FMNL2: variants seen among roughly 807,000 people sequenced by gnomAD.
FMNL2 encodes formin-like protein 2.
FMNL2 carries 51 observed loss-of-function variants against 130.2 expected under a neutral mutation model. That is an observed-to-expected ratio of 0.39 (90% CI 0.31 to 0.49). FMNL2 has a LOEUF of 0.49. Among genes scored for constraint, FMNL2 ranks in the 20% least tolerant of loss-of-function variants. The pLI, the probability that FMNL2 is intolerant of heterozygous loss-of-function variation, is 0.85. For missense variants in FMNL2, 977 were observed against 1,316.2 expected (o/e 0.74, Z 3.99); for synonymous variants, 465 against 467.1 (o/e 1.00, Z 0.06).
chr2:152,547,853 T>C (rs1175380950), intron 3 of FMNL2, among the ~76,000 whole-genome samples: 1 of 152,204 alleles, frequency 6.6e-6, no homozygotes, highest in Non-Finnish European at 1.5e-5. Context: ...GTAGCACAGA[T>C]AGTCTGGAAC....
intron 1 of FMNL2, among the ~76,000 whole-genome samples, chr2:152,412,482 ATATATATATATATATATAT>A (rs1686368595): frequency 1.0e-4 from 9 of 90,032 alleles, no homozygotes; most frequent in African/African-American, 4.5e-4. Context: ...ATATATATAT[ATATATATATATATATATAT>A]AAATTAGAAA....
At chr2:152,391,281 C>G (rs531476631) in intron 1 of FMNL2, among the ~76,000 whole-genome samples, 8 of 152,206 alleles carry the variant, frequency 5.3e-5, no homozygotes, top group Non-Finnish European at 8.8e-5. Context: ...AATAAACACC[C>G]TGGCAACTGG....
intron 1 of FMNL2, among the ~76,000 whole-genome samples, chr2:152,428,672 T>C (rs1017332780): frequency 2.0e-5 from 3 of 152,230 alleles, no homozygotes; most frequent in African/African-American, 4.8e-5. Context: ...TCTAGGGAGG[T>C]TGAGAAGTTT....
intron 1 of FMNL2, among the ~76,000 whole-genome samples, chr2:152,501,365 A>T (rs1691823743): frequency 6.6e-6 from 1 of 152,250 alleles, no homozygotes; most frequent in Non-Finnish European, 1.5e-5. Flanking sequence ...CCTTCCCAAA[A>T]GGGAACTCAG....
Position 152,395,276 on chromosome 2 carries a change from A to G in FMNL2, c.117+59556A>G, listed in dbSNP as rs372463233. On this transcript the variant is annotated intron_variant, in intron 1 of 25. Coordinates refer to ENST00000288670, the MANE Select transcript of FMNL2 (RefSeq NM_052905.4). ...TGTGGGACATGAGGTGGCAAACCCT[A>G]CACAAGAGTTAAAGAGATGAGTAGT... Among the ~76,000 whole-genome samples, 20 of 152,334 alleles carry G rather than the reference A, an allele frequency of 1.3e-4. 1 individual carries two copies. The South Asian group carries it at 2.3e-3, about 17-fold the overall frequency.
Position 152,494,791 on chromosome 2 carries a change from G to A in FMNL2, c.118-27152G>A, listed in dbSNP as rs558270689. On this transcript the variant is annotated intron_variant, in intron 1 of 25. Transcript: ENST00000288670. ...TGACTATTGTCAGAGAAAGCCCTGG[G>A]TTATCAGCCTGTTTAGAAGAAGTGA... 1.3e-4 allele frequency among the ~76,000 whole-genome samples: 20 copies of A among 152,288 alleles called. No homozygotes were observed. The South Asian group carries it at 3.9e-3, about 30-fold the overall frequency.
intron 25 of FMNL2, among the ~76,000 whole-genome samples, chr2:152,646,263 T>C (rs1490312468): frequency 1.3e-5 from 2 of 151,076 alleles, no homozygotes; most frequent in Non-Finnish European, 2.9e-5. Flanking sequence ...GCCCAGGAGG[T>C]GGATGCTGCA....
intron 1 of FMNL2, among the ~76,000 whole-genome samples, chr2:152,506,075 A>C (rs1190417858): frequency 6.6e-6 from 1 of 152,208 alleles, no homozygotes; most frequent in Non-Finnish European, 1.5e-5. Flanking sequence ...TTTATTTGCC[A>C]AGGTAACTAG....
chr2:152,555,868 A>G (rs1261593212), intron 4 of FMNL2, among the ~76,000 whole-genome samples: 1 of 152,260 alleles, frequency 6.6e-6, no homozygotes, highest in East Asian at 1.9e-4. Context: ...GCATGCACAG[A>G]GGTGAAATGG....
chr2:152,591,119 C>T (rs1250606838), intron 9 of FMNL2, among the ~76,000 whole-genome samples: 2 of 149,688 alleles, frequency 1.3e-5, no homozygotes, highest in Non-Finnish European at 3.0e-5. Flanking sequence ...AAGCGATTCT[C>T]CTGCCTCAGC....
intron 13 of FMNL2, 36 bp downstream of exon 13, chr2:152,617,228 G>C: frequency 1.3e-6 from 2 of 1,575,708 alleles, no homozygotes; most frequent in South Asian, 2.2e-5. Context: ...AGATGGGCAC[G>C]GTAGGGAATG....
At chr2:152,394,926 G>A (rs890743555) in intron 1 of FMNL2, among the ~76,000 whole-genome samples, 2 of 152,124 alleles carry the variant, frequency 1.3e-5, no homozygotes, top group African/African-American at 4.8e-5. Context: ...TGCAGGCATG[G>A]CTTTCTTGCT....
intron 1 of FMNL2, among the ~76,000 whole-genome samples, chr2:152,463,356 A>T (rs936287545): frequency 6.6e-6 from 1 of 152,294 alleles, no homozygotes; most frequent in Admixed American, 6.5e-5. Flanking sequence ...TCTCTTGGTG[A>T]TGAAGAAATC....
At chr2:152,390,680 A>C in intron 1 of FMNL2, 1 of 777,494 alleles carries the variant, frequency 1.3e-6, no homozygotes, top group East Asian at 2.5e-5. Flanking sequence ...AGCTACAACC[A>C]TCCAACCTTC....
intron 4 of FMNL2, among the ~76,000 whole-genome samples, chr2:152,551,187 T>G (rs936198121): frequency 6.7e-6 from 1 of 148,514 alleles, no homozygotes; most frequent in Non-Finnish European, 1.5e-5. Flanking sequence ...GCCGAAGTAA[T>G]GTGAAATTGA....
At chr2:152,505,648 A>G (rs1044059361) in intron 1 of FMNL2, among the ~76,000 whole-genome samples, 1 of 152,194 alleles carries the variant, frequency 6.6e-6, no homozygotes, top group Non-Finnish European at 1.5e-5. Context: ...TTCACTGTCT[A>G]CCCATTGTGA....
intron 1 of FMNL2, among the ~76,000 whole-genome samples, chr2:152,416,359 T>G (rs1271674087): frequency 6.6e-6 from 1 of 152,178 alleles, no homozygotes; most frequent in African/African-American, 2.4e-5. Context: ...ACTTCTTTTA[T>G]CAAAGCAAAA....
intron 1 of FMNL2, among the ~76,000 whole-genome samples, chr2:152,483,790 T>A (rs1273167415): frequency 6.6e-6 from 1 of 152,242 alleles, no homozygotes; most frequent in African/African-American, 2.4e-5. Context: ...GAATTGCTCA[T>A]CTCTTGAAGC....
chr2:152,460,160 G>C (rs1206773983), intron 1 of FMNL2, among the ~76,000 whole-genome samples: 1 of 152,040 alleles, frequency 6.6e-6, no homozygotes, highest in Non-Finnish European at 1.5e-5. Flanking sequence ...ATACGTAGTG[G>C]GCATATTATG....
Sources: allele counts gnomAD v4.1 joint callset (sites outside exome capture counted in the v4.1 genomes callset), GRCh38; gene constraint gnomAD v4.1.1; transcripts MANE v1.5; gene names NCBI Gene and HGNC (gene_info 2026-07-23, HGNC 2026-07-21).